The following DPYD variants were observed in gnomAD, a reference collection of about 807,000 sequenced individuals.
The protein encoded by DPYD is dihydropyrimidine dehydrogenase [NADP(+)].
A neutral mutation model predicts 116.2 loss-of-function variants in DPYD; 109 were observed. The ratio of observed to expected loss-of-function variants is 0.94; its 90% CI spans 0.80 to 1.10. DPYD has a LOEUF of 1.10. Among genes scored for constraint, DPYD ranks in the 50% least tolerant of loss-of-function variants. The probability of loss-of-function intolerance (pLI) is 0.00; values close to 1 mark genes in which losing one functional copy is unlikely to be tolerated. For synonymous variants in DPYD, 440 were observed against 432.0 expected (o/e 1.02, Z -0.23); for missense variants, 1,302 against 1,254.5 (o/e 1.04, Z -0.57).
At chr1:97,402,994 A>G (rs1673453454) in intron 14 of DPYD, among the ~76,000 whole-genome samples, 1 of 152,056 alleles carries the variant, frequency 6.6e-6, no homozygotes, top group Non-Finnish European at 1.5e-5. Context: ...CTTTTTATAC[A>G]TTGTTGCGTT....
chr1:97,464,412 T>G lies in DPYD; in HGVS notation c.1741-14189A>C, dbSNP rs529646987. On this transcript the variant is annotated intron_variant, in intron 13 of 22. Transcript: ENST00000370192. ...GCCAAATGCTAATCCCAAAGACAAC[T>G]GAAAAAATGCCTCCAGGGCATGTCA... Among the ~76,000 whole-genome samples, 3 of 152,162 alleles carry G rather than the reference T, an allele frequency of 2.0e-5. No homozygotes were observed. The East Asian group carries it at 5.8e-4, about 30-fold the overall frequency.
intron 20 of DPYD, among the ~76,000 whole-genome samples, chr1:97,134,930 C>T (rs908283881): frequency 1.2e-4 from 18 of 152,046 alleles, no homozygotes; most frequent in Non-Finnish European, 2.1e-4. Context: ...AAATAATTTA[C>T]GCAAAGGTGA....
chr1:97,690,280 C>T (rs1440313676), intron 7 of DPYD, among the ~76,000 whole-genome samples: 1 of 151,954 alleles, frequency 6.6e-6, no homozygotes, highest in African/African-American at 2.4e-5. Flanking sequence ...TCTTGGCACT[C>T]AGTATATTGC....
At chr1:97,451,503 T>C (rs900756480) in intron 13 of DPYD, among the ~76,000 whole-genome samples, 2 of 152,218 alleles carry the variant, frequency 1.3e-5, no homozygotes, top group African/African-American at 4.8e-5. Context: ...ATAGGAATCA[T>C]GCCAGTTAAT....
chr1:97,594,973 T>C (rs779991029), intron 9 of DPYD, 86 bp downstream of exon 9: 11 of 972,340 alleles, frequency 1.1e-5, no homozygotes, highest in East Asian at 3.3e-5. Context: ...AGCTGAACAA[T>C]GTGCTGCTGA....
chr1:97,637,688 C>T (rs936224131), intron 8 of DPYD, among the ~76,000 whole-genome samples: 3 of 152,080 alleles, frequency 2.0e-5, no homozygotes, highest in African/African-American at 4.8e-5. Context: ...TGTAATTTCA[C>T]GAAGGGAACA....
chr1:97,594,633 G>C (rs1654751576), intron 9 of DPYD, among the ~76,000 whole-genome samples: 1 of 152,108 alleles, frequency 6.6e-6, no homozygotes, highest in Non-Finnish European at 1.5e-5. Flanking sequence ...TAAAGTGATA[G>C]GGTGTCTATC....
chr1:97,236,440 A>G (rs1423721452), intron 18 of DPYD, among the ~76,000 whole-genome samples: 1 of 152,088 alleles, frequency 6.6e-6, no homozygotes, highest in Non-Finnish European at 1.5e-5. Context: ...AAAAGAAACA[A>G]AAAGTTAAAG....
chr1:97,733,218 G>T (rs917966130), intron 4 of DPYD, among the ~76,000 whole-genome samples: 1 of 151,940 alleles, frequency 6.6e-6, no homozygotes, highest in Non-Finnish European at 1.5e-5. Context: ...TTAGAATAGG[G>T]TCTGTCATGT....
At chr1:97,637,871 G>A (rs974778384) in intron 8 of DPYD, among the ~76,000 whole-genome samples, 4 of 152,074 alleles carry the variant, frequency 2.6e-5, no homozygotes, top group Admixed American at 2.0e-4. Flanking sequence ...ATTCTGAAAG[G>A]ATGGAATAGA....
intron 18 of DPYD, among the ~76,000 whole-genome samples, chr1:97,278,574 T>G (rs1665103779): frequency 6.6e-6 from 1 of 152,218 alleles, no homozygotes; most frequent in Non-Finnish European, 1.5e-5. Flanking sequence ...CTGGTGGTTT[T>G]ATTAAACCCC....
intron 16 of DPYD, among the ~76,000 whole-genome samples, chr1:97,316,852 G>A (rs1224127605): frequency 6.6e-6 from 1 of 151,798 alleles, no homozygotes; most frequent in Non-Finnish European, 1.5e-5. Context: ...TCACTTAGGG[G>A]CAGCCATTCC....
At chr1:97,525,368 A>G (rs1285489492) in intron 12 of DPYD, among the ~76,000 whole-genome samples, 1 of 151,576 alleles carries the variant, frequency 6.6e-6, no homozygotes, top group East Asian at 1.9e-4. Flanking sequence ...GAAAACAGAA[A>G]AGAAAGAAAG....
At chr1:97,368,502 G>A (rs955538048) in intron 16 of DPYD, among the ~76,000 whole-genome samples, 8 of 152,120 alleles carry the variant, frequency 5.3e-5, no homozygotes, top group African/African-American at 1.9e-4. Flanking sequence ...AAGTCCTGTG[G>A]AGCATGCTGC....
intron 20 of DPYD, among the ~76,000 whole-genome samples, chr1:97,128,667 G>A (rs1014852983): frequency 2.0e-5 from 3 of 152,114 alleles, no homozygotes; most frequent in Non-Finnish European, 2.9e-5. Flanking sequence ...GCCTGCCTGT[G>A]TAGCAGGAAC....
At chr1:97,162,922 A>G (rs1401794334) in intron 20 of DPYD, among the ~76,000 whole-genome samples, 6 of 151,940 alleles carry the variant, frequency 3.9e-5, no homozygotes, top group Non-Finnish European at 8.8e-5. Flanking sequence ...AAAACTGGCT[A>G]GCCATATGTA....
At chr1:97,903,726 T>A (rs548137449) in intron 1 of DPYD, among the ~76,000 whole-genome samples, 1 of 151,974 alleles carries the variant, frequency 6.6e-6, no homozygotes, top group Non-Finnish European at 1.5e-5. Context: ...CTAGAGGAAC[T>A]AAGAAATCCA....
chr1:97,191,341 T>C (rs1658347505), intron 20 of DPYD, among the ~76,000 whole-genome samples: 1 of 152,162 alleles, frequency 6.6e-6, no homozygotes. Context: ...CATGTCAGCC[T>C]GCACAGGAGA....
intron 19 of DPYD, among the ~76,000 whole-genome samples, chr1:97,213,182 C>T (rs935689118): frequency 2.6e-5 from 4 of 152,112 alleles, no homozygotes; most frequent in Non-Finnish European, 5.9e-5. Flanking sequence ...TCTCTTAATA[C>T]TACCAGATTG....
Sources: allele counts gnomAD v4.1 joint callset (sites outside exome capture counted in the v4.1 genomes callset), GRCh38; gene constraint gnomAD v4.1.1; transcripts MANE v1.5; gene names NCBI Gene and HGNC (gene_info 2026-07-23, HGNC 2026-07-21).